The following RPH3A variants were observed in gnomAD, a reference collection of about 807,000 sequenced individuals.
The protein encoded by RPH3A is rabphilin-3A.
In RPH3A, 48 loss-of-function variants were observed where a neutral mutation model predicts 102.2. The observed-to-expected ratio is 0.47, with a 90% CI of 0.37 to 0.60. The LOEUF (loss-of-function observed/expected upper bound fraction) is 0.60. Among genes scored for constraint, RPH3A ranks in the 20% least tolerant of loss-of-function variants. The pLI is 0.00. For synonymous variants in RPH3A, 310 were observed against 324.3 expected (o/e 0.96, Z 0.47); for missense variants, 781 against 910.1 (o/e 0.86, Z 1.83).
intron 1 of RPH3A, among the ~76,000 whole-genome samples, chr12:112,728,907 G>A (rs1448907591): frequency 6.6e-6 from 1 of 152,122 alleles, no homozygotes; most frequent in Non-Finnish European, 1.5e-5. Context: ...TCTGGGAATG[G>A]GCAGGGAACT....
intron 5 of RPH3A, among the ~76,000 whole-genome samples, chr12:112,859,228 C>T (rs564772947): frequency 2.0e-5 from 3 of 152,266 alleles, no homozygotes; most frequent in African/African-American, 7.2e-5. Flanking sequence ...ATCCGGAATG[C>T]TGCACATGAG....
At position 112,679,335 on chromosome 12, in the gene RPH3A, A is replaced by G. The variant is rs192685233; in HGVS notation, c.-140+104016A>G. Among the ~76,000 whole-genome samples the G allele has an allele frequency of 4.0e-3, 615 of 151,874 alleles. 2 individuals carry two copies. Among genetic ancestry groups the G allele is most frequent in the Admixed American group, 9.9e-3 (151 of 15,236 alleles). On this transcript the variant is annotated intron_variant, in intron 1 of 21. Coordinates refer to the RPH3A transcript ENST00000543106. The stretch of plus-strand genomic sequence containing the variant: ...GGCCCAGCTAATTTTTTGTATTTTT[A>G]GTAGAGATGGGGTTTCACCATGTTA...
intron 15 of RPH3A, among the ~76,000 whole-genome samples, 190 bp from the exon 16 acceptor site, chr12:112,883,103 C>A (rs1341086246): frequency 6.6e-6 from 1 of 152,122 alleles, no homozygotes; most frequent in Non-Finnish European, 1.5e-5. Flanking sequence ...AGCATTGATC[C>A]ATTTTTCTGT....
intron 1 of RPH3A, among the ~76,000 whole-genome samples, chr12:112,694,644 GCACACGCACACA>G (rs774562531): frequency 0.041 from 5,176 of 126,790 alleles, 203 homozygotes; most frequent in South Asian, 0.18. Context: ...GCGCGCGCGC[GCACACGCACACA>G]CACACACACA....
intron 1 of RPH3A, among the ~76,000 whole-genome samples, chr12:112,587,675 T>C (rs1424810620): frequency 6.6e-6 from 1 of 152,192 alleles, no homozygotes; most frequent in Non-Finnish European, 1.5e-5. Context: ...CCTTATATTG[T>C]GTATTTATTT....
chr12:112,582,861 C>T (rs1190414586), intron 1 of RPH3A, among the ~76,000 whole-genome samples: 1 of 152,220 alleles, frequency 6.6e-6, no homozygotes, highest in Non-Finnish European at 1.5e-5. Context: ...CAGCTTTTCT[C>T]TTATGGCTAT....
At chr12:112,854,838 C>T (rs2042382777) in intron 5 of RPH3A, among the ~76,000 whole-genome samples, 1 of 152,206 alleles carries the variant, frequency 6.6e-6, no homozygotes, top group Non-Finnish European at 1.5e-5. Flanking sequence ...TCCACTTTAT[C>T]CTATTGCTTT....
At chr12:112,889,060 T>A (rs1185198798) in intron 17 of RPH3A, among the ~76,000 whole-genome samples, 3 of 152,334 alleles carry the variant, frequency 2.0e-5, no homozygotes, top group East Asian at 3.9e-4. Context: ...TCCCACCAGA[T>A]GGCCAGCCTG....
chr12:112,719,520 T>C (rs928233995), intron 1 of RPH3A, among the ~76,000 whole-genome samples: 5 of 152,200 alleles, frequency 3.3e-5, no homozygotes, highest in African/African-American at 1.2e-4. Flanking sequence ...TTGTGCTGTA[T>C]GTAAGAGCTT....
rs568939478 is a variant in RPH3A, at chr12:112,707,374, T to C, written c.-139-84769T>C. Among the ~76,000 whole-genome samples the C allele has an allele frequency of 3.3e-5, 5 of 152,316 alleles. No individual in the cohort carries two copies. In the South Asian group the frequency reaches 6.2e-4, roughly 19 times the overall value. The stretch of plus-strand genomic sequence containing the variant: ...AATTGGTTTAGATACATTCTGCCAT[T>C]GACTTCTCACACCAACCCCTTTAGT... On this transcript the variant is annotated intron_variant, in intron 1 of 21. Coordinates refer to the RPH3A transcript ENST00000543106.
At position 112,819,108 on chromosome 12, in the gene RPH3A, G is replaced by A. The variant is rs776352056; in HGVS notation, c.-18-9193G>A. Among the ~76,000 whole-genome samples, 31 of 150,954 alleles carry A rather than the reference G, an allele frequency of 2.1e-4. 1 individual carries two copies. Among genetic ancestry groups the A allele is most frequent in the Admixed American group, 4.6e-4 (7 of 15,124 alleles). Reference sequence around the variant, plus strand: ...TTGAGATATATATATGTGTGTGTGTGTATATATATATATTTGAGATGGACT... The same window carrying A: ...TTGAGATATATATATGTGTGTGTGTATATATATATATATTTGAGATGGACT... On this transcript the variant is annotated intron_variant, in intron 2 of 21. Transcript: ENST00000389385.
intron 1 of RPH3A, among the ~76,000 whole-genome samples, chr12:112,781,713 A>C (rs796252420): frequency 3.9e-4 from 59 of 152,308 alleles, no homozygotes; most frequent in African/African-American, 1.4e-3. Flanking sequence ...TCATTCGTTC[A>C]TTCATCAACT....
intron 1 of RPH3A, among the ~76,000 whole-genome samples, chr12:112,678,273 GAA>G (rs1363438048): frequency 0.036 from 2,740 of 75,544 alleles, 310 homozygotes; most frequent in African/African-American, 0.16. Flanking sequence ...AAGAAAGAAA[GAA>G]AGAAAGAAAG....
intron 14 of RPH3A, among the ~76,000 whole-genome samples, chr12:112,880,841 G>T (rs60640248): frequency 6.6e-6 from 1 of 152,134 alleles, no homozygotes; most frequent in African/African-American, 2.4e-5. Context: ...CTAGCTGAAA[G>T]AAAATTCAAC....
At chr12:112,577,002 C>A (rs752084419) in intron 1 of RPH3A, among the ~76,000 whole-genome samples, 1 of 147,420 alleles carries the variant, frequency 6.8e-6, no homozygotes, top group Admixed American at 6.8e-5. Context: ...ACCTCCCGGG[C>A]TCAAGCTATC....
intron 2 of RPH3A, among the ~76,000 whole-genome samples, chr12:112,824,815 C>T (rs1733149445): frequency 6.6e-6 from 1 of 152,202 alleles, no homozygotes; most frequent in Admixed American, 6.5e-5. Context: ...GAAACATACC[C>T]CTGGTGTGCG....
chr12:112,774,947 T>G lies in RPH3A; in HGVS notation c.-139-17196T>G, dbSNP rs981631949. Reference sequence around the variant, plus strand: ...GTAACAAACCTGCCCAGCCTACACATGTACCCCAGAACTTAAAATAAAAAT... The same window carrying G: ...GTAACAAACCTGCCCAGCCTACACAGGTACCCCAGAACTTAAAATAAAAAT... On this transcript the variant is annotated intron_variant, in intron 1 of 21. Transcript: ENST00000543106. Among the ~76,000 whole-genome samples, 3 of 151,948 alleles carry G rather than the reference T, an allele frequency of 2.0e-5. No individual in the cohort carries two copies. In the East Asian group the frequency reaches 5.8e-4, roughly 29 times the overall value.
intron 1 of RPH3A, among the ~76,000 whole-genome samples, chr12:112,736,304 A>G (rs1273054891): frequency 6.6e-6 from 1 of 152,222 alleles, no homozygotes; most frequent in Non-Finnish European, 1.5e-5. Context: ...CCTCTGTTTG[A>G]GAACCATTGC....
chr12:112,612,467 G>T (rs1045480122), intron 1 of RPH3A, among the ~76,000 whole-genome samples: 4 of 151,818 alleles, frequency 2.6e-5, no homozygotes, highest in Non-Finnish European at 5.9e-5. Context: ...TGTGATTGGG[G>T]TTCTCTTTTC....
Sources: gnomAD v4.1 joint callset for allele counts (sites outside exome capture counted in the v4.1 genomes callset) on GRCh38, gnomAD v4.1.1 for gene constraint, MANE v1.5 for transcripts, NCBI Gene and HGNC (gene_info 2026-07-23, HGNC 2026-07-21) for gene names.